Variants in OFD1 observed in about 807,000 individuals in gnomAD.
The protein encoded by OFD1 is OFD1 centriole and centriolar satellite protein, also known as centriole and centriolar satellite protein OFD1.
A neutral mutation model predicts 81.4 loss-of-function variants in OFD1; 12 were observed. The observed-to-expected ratio is 0.15, with a 90% CI of 0.09 to 0.24. The LOEUF (loss-of-function observed/expected upper bound fraction) is 0.24. OFD1 is among the 10% of genes least tolerant of loss of function. OFD1 has a pLI of 1.00. For synonymous variants in OFD1, 256 were observed against 263.7 expected (o/e 0.97, Z 0.28); for missense variants, 685 against 733.9 (o/e 0.93, Z 0.77).
In OFD1 at chrX:13,763,866, T is replaced by C; in HGVS notation, c.2599+11T>C. On this transcript the variant is annotated intron_variant, in intron 19 of 22. Transcript: ENST00000340096. ...CATATCAGCACCCAAGTAAGTTCTT[T>C]TTTTGAACTAACAGTCAGCAGGGTC... 8.7e-7 allele frequency: 1 copy of C among 1,151,651 alleles called. No individual in the cohort carries two copies. The highest frequency in any genetic ancestry group is 1.2e-6 in the Non-Finnish European group (1 of 841,038). The allele number at this position is 1,151,651 out of a possible 1,213,427, so 94.9% of individuals were successfully genotyped here.
chrX:13,719,531 A>G, the OFD1 span, among the ~76,000 whole-genome samples: 1 of 112,133 alleles, frequency 8.9e-6, no homozygotes, highest in Middle Eastern at 4.6e-3. Flanking sequence ...GATGAAAAAC[A>G]TGATTCATGA....
chrX:13,751,120 C>T, intron 9 of OFD1, 129 bp from the exon 10 acceptor site: 2 of 588,724 alleles, frequency 3.4e-6, no homozygotes, highest in East Asian at 7.4e-5. Flanking sequence ...TGGCTCTTTC[C>T]TTCTACTTCC....
At chrX:13,717,777 T>C in the OFD1 span, among the ~76,000 whole-genome samples, 1 of 111,656 alleles carries the variant, frequency 9.0e-6, no homozygotes, top group Non-Finnish European at 1.9e-5. Context: ...ATACCTGTTA[T>C]GGGTTGAAGT....
intron 3 of OFD1, among the ~76,000 whole-genome samples, chrX:13,737,201 G>A (rs1369950645): frequency 1.8e-5 from 2 of 110,300 alleles, no homozygotes; most frequent in South Asian, 3.8e-4. Context: ...AGATAAGTGA[G>A]AAATACGTAA....
intron 5 of OFD1, chrX:13,739,255 G>A: frequency 6.0e-5 from 14 of 233,261 alleles, no homozygotes; most frequent in Non-Finnish European, 7.5e-5. Context: ...CAGGCTGAAA[G>A]ATACTGTTTG....
At chrX:13,767,315 G>A in intron 20 of OFD1, 31 bp downstream of exon 20, 1 of 1,199,708 alleles carries the variant, frequency 8.3e-7, no homozygotes, top group Non-Finnish European at 1.1e-6. Context: ...CTCTGAACTG[G>A]TTGCTCCATT....
intron 2 of OFD1, 52 bp downstream of exon 2, chrX:13,735,398 A>G (rs2046819568): frequency 1.1e-6 from 1 of 923,155 alleles, no homozygotes; most frequent in African/African-American, 1.9e-5. Context: ...AACCTGTAAC[A>G]GGTAGTTCAA....
chrX:13,724,630 G>A, the OFD1 span, among the ~76,000 whole-genome samples: 2 of 111,934 alleles, frequency 1.8e-5, no homozygotes, highest in African/African-American at 6.5e-5. Context: ...CTAGGGATCC[G>A]TTCCAAGATG....
chrX:13,767,220 A>G lies in OFD1; in HGVS notation c.2693A>G (p.Gln898Arg), dbSNP rs748955697. 4 of 1,210,687 alleles carry G rather than the reference A, an allele frequency of 3.3e-6. No homozygotes were observed. The highest frequency in any genetic ancestry group is 3.4e-6 in the Non-Finnish European group (3 of 894,106). The change falls in exon 20 of 23, where the codon CAG becomes CGG. Residue 898 changes from glutamine to arginine, a missense_variant. Transcript: ENST00000340096. Reference sequence around the variant, plus strand: ...CGAAGGCAGAGAGAAGAAAGAAGGCAGAGTAACCTACAAGAAGTTTTAGAA... The same window carrying G: ...CGAAGGCAGAGAGAAGAAAGAAGGCGGAGTAACCTACAAGAAGTTTTAGAA... ...KERRQREERR[Q>R]SNLQEVLERE...
chrX:13,736,227 C>G lies in OFD1; in HGVS notation c.112-251C>G, dbSNP rs1268718478. 1.3e-5 allele frequency: 13 copies of G among 964,257 alleles called. No homozygotes were observed. In the African/African-American group the frequency reaches 2.2e-4, roughly 16 times the overall value. 79.5% of individuals were successfully genotyped at this position (964,257 alleles called of 1,213,427 possible). ...GAGTCTGCAAGTGGATCTGGCTAACCACCCGTTTCATTTGGAAGCTGGGGA... is the reference window on the plus strand; with the variant it reads ...GAGTCTGCAAGTGGATCTGGCTAACGACCCGTTTCATTTGGAAGCTGGGGA... On this transcript the variant is annotated intron_variant, in intron 2 of 22. Transcript: ENST00000340096.
intron 10 of OFD1, 62 bp from the exon 11 acceptor site, chrX:13,753,306 C>G: frequency 8.3e-7 from 1 of 1,207,410 alleles, no homozygotes; most frequent in Non-Finnish European, 1.1e-6. Context: ...AGCTCCTGCA[C>G]TGATAACAGT....
Position 13,764,175 on chromosome X carries a change from C to T in OFD1, c.2599+320C>T, listed in dbSNP as rs2048036103. On this transcript the variant is annotated intron_variant, in intron 19 of 22. Transcript: ENST00000340096. ...ATAGTAGTTGGACTTTTCCCCAAGA[C>T]TCTTCTGCAAAAACTGTTCCTTGGG... is the stretch of plus-strand genomic sequence containing the variant. Among the ~76,000 whole-genome samples, 4 of 112,308 alleles carry T rather than the reference C, an allele frequency of 3.6e-5. No homozygotes were observed. The Admixed American group carries it at 3.8e-4, about 11-fold the overall frequency.
At chrX:13,767,973 T>G in intron 20 of OFD1, 81 bp from the exon 21 acceptor site, 1 of 980,723 alleles carries the variant, frequency 1.0e-6, no homozygotes, top group Non-Finnish European at 1.4e-6. Context: ...AGGATCGGGA[T>G]TAATATTAGT....
At chrX:13,751,520 C>A in intron 10 of OFD1, 152 bp downstream of exon 10, 2 of 483,339 alleles carry the variant, frequency 4.1e-6, no homozygotes, top group Non-Finnish European at 6.8e-6. Flanking sequence ...TCCTTTCCTG[C>A]ATTTGAGTTA....
the OFD1 span, among the ~76,000 whole-genome samples, chrX:13,722,408 A>G: frequency 1.8e-5 from 2 of 110,655 alleles, no homozygotes; most frequent in Non-Finnish European, 3.8e-5. Flanking sequence ...GCTGTTACCA[A>G]CTACCCAGCT....
chrX:13,734,751 G>C lies in OFD1; in HGVS notation c.-321G>C, dbSNP rs1223636883. 4.8e-6 allele frequency: 5 copies of C among 1,041,905 alleles called. No individual in the cohort carries two copies. Among genetic ancestry groups the C allele is most frequent in the Non-Finnish European group, 6.1e-6 (5 of 816,860 alleles). 85.9% of individuals were successfully genotyped at this position (1,041,905 alleles called of 1,213,427 possible). A position where few individuals can be genotyped will look rare whatever the true frequency, so the allele number is the denominator to read the frequency against. ...GCAGGTTTCCGGAAGTTGCCGGACT[G>C]GCTGTGAGGCGGTCCTGCCTCGCTG... is the stretch of plus-strand genomic sequence containing the variant. On this transcript the variant is annotated 5_prime_UTR_variant, in exon 1 of 23. Coordinates refer to ENST00000340096, the MANE Select transcript of OFD1 (RefSeq NM_003611.3).
intron 5 of OFD1, chrX:13,739,833 C>T (rs1352987355): frequency 1.3e-6 from 1 of 750,421 alleles, no homozygotes; most frequent in East Asian, 1.5e-4. Flanking sequence ...TCCATAACTA[C>T]TGTGGGTTTC....
chrX:13,732,254 G>C (rs144827150), upstream of OFD1, among the ~76,000 whole-genome samples: 798 of 111,824 alleles, frequency 7.1e-3, 3 homozygotes, highest in African/African-American at 0.025. Context: ...GGAAGGGAGG[G>C]CAGGATCTAG....
intron 5 of OFD1, chrX:13,739,251 G>T: frequency 2.5e-5 from 6 of 236,563 alleles, no homozygotes; most frequent in Non-Finnish European, 2.2e-5. Flanking sequence ...CAGACAGGCT[G>T]AAAGATACTG....
Sources: allele counts gnomAD v4.1 joint callset (sites outside exome capture counted in the v4.1 genomes callset), GRCh38; gene constraint gnomAD v4.1.1; transcripts MANE v1.5; gene names NCBI Gene and HGNC (gene_info 2026-07-23, HGNC 2026-07-21).